The following ZNF469 variants were observed in gnomAD, a reference collection of about 807,000 sequenced individuals.
ZNF469 encodes zinc finger protein 469.
A neutral mutation model predicts 1.0 loss-of-function variants in ZNF469; 1 was observed. The ratio of observed to expected loss-of-function variants is 1.00; its 90% CI spans 0.35 to 4.73. The LOEUF (loss-of-function observed/expected upper bound fraction) is 4.73, where lower values mean the gene tolerates loss of function less well. ZNF469 is among the 30% of genes most tolerant of loss of function. The pLI is 0.16. For missense variants in ZNF469, 6,100 were observed against 5,356.3 expected, an observed-to-expected ratio of 1.14 and a Z score of -4.33; for synonymous variants, 2,703 against 2,363.4, an observed-to-expected ratio of 1.14 and a Z score of -4.17.
At chr16:88,202,430 C>G in the ZNF469 span, among the ~76,000 whole-genome samples, 1 of 152,118 alleles carries the variant, frequency 6.6e-6, no homozygotes, top group Non-Finnish European at 1.5e-5. Context: ...TCCAGGTGCC[C>G]CCGTGGATAA....
At chr16:88,229,556 G>A in the ZNF469 span, among the ~76,000 whole-genome samples, 1 of 150,566 alleles carries the variant, frequency 6.6e-6, no homozygotes, top group Non-Finnish European at 1.5e-5. Flanking sequence ...GATGTCACAC[G>A]TGTGGATGTC....
the ZNF469 span, among the ~76,000 whole-genome samples, chr16:88,268,593 G>C: frequency 1.4e-4 from 21 of 152,238 alleles, no homozygotes; most frequent in Non-Finnish European, 2.9e-4. Context: ...GGAAGAACAT[G>C]CAGGGGTCAA....
chr16:88,402,931 C>T (rs111723034), intron 1 of ZNF469, among the ~76,000 whole-genome samples: 1 of 152,168 alleles, frequency 6.6e-6, no homozygotes, highest in Admixed American at 6.5e-5. Context: ...AGAACCCCCA[C>T]GCCGGGAACA....
the ZNF469 span, among the ~76,000 whole-genome samples, chr16:88,140,458 C>T: frequency 8.6e-5 from 13 of 151,190 alleles, no homozygotes; most frequent in South Asian, 4.2e-4. Flanking sequence ...ACGTAGAAAT[C>T]GGGGGGTAGC....
the ZNF469 span, among the ~76,000 whole-genome samples, chr16:88,170,403 C>T: frequency 3.3e-5 from 5 of 152,202 alleles, no homozygotes; most frequent in Non-Finnish European, 4.4e-5. The surrounding 1 kb of genome is among the most constrained non-coding windows in gnomAD (Gnocchi z 4.2). Flanking sequence ...CACTGTACAA[C>T]TGAAAGTTCT....
At chr16:88,177,251 C>T in the ZNF469 span, 1 of 152,162 alleles carries the variant, frequency 6.6e-6, no homozygotes, top group Non-Finnish European at 1.5e-5. This position sits in a 1 kb window ranked among gnomAD's most constrained non-coding sequence, Gnocchi z 4.8. Context: ...CTATACACAC[C>T]GCGGGCCTGA....
chr16:88,132,995 CA>C, the ZNF469 span, among the ~76,000 whole-genome samples: 1 of 152,212 alleles, frequency 6.6e-6, no homozygotes, highest in Non-Finnish European at 1.5e-5. Context: ...GTGCGGTGGG[CA>C]TGCTGGGAGA....
Position 88,435,678 on chromosome 16 carries a change from T to G in ZNF469, c.8208T>G (p.Asp2736Glu). Residue 2736 changes from aspartate (D) to glutamate (E), a missense_variant, in exon 3 of 3, where the codon GAT (aspartate) becomes GAG (glutamate). Asp to Glu is a conservative substitution (Grantham distance 45, BLOSUM62 2). Transcript: ENST00000565624. ...GGATGCTGTGTCCAGGGAGGATGGA[T>G]GGTGCAGCTCTGGGGGAACAGCCAA... ...GDRMLCPGRMDGAALGEQPTG... is the reference protein window; with the variant it reads ...GDRMLCPGRMEGAALGEQPTG... 6.4e-7 allele frequency: 1 copy of G among 1,550,506 alleles called. No homozygotes were observed. Among genetic ancestry groups the G allele is most frequent in the Non-Finnish European group, 8.7e-7 (1 of 1,146,970 alleles).
chr16:88,197,814 A>G, the ZNF469 span, among the ~76,000 whole-genome samples: 1 of 152,206 alleles, frequency 6.6e-6, no homozygotes, highest in Non-Finnish European at 1.5e-5. Flanking sequence ...GGCATCTGCC[A>G]TGCGGGCTTC....
chr16:88,434,909 C>A lies in ZNF469; in HGVS notation c.7439C>A (p.Ser2480Tyr). 2 of 1,550,298 alleles carry A rather than the reference C, an allele frequency of 1.3e-6. No homozygotes were observed. The highest frequency in any genetic ancestry group is 1.7e-6 in the Non-Finnish European group (2 of 1,146,988). ...GPVTCEVCAA[S>Y]FRSGPGLSRH... ...GTGACCTGTGAGGTCTGCGCAGCCT[C>A]CTTCCGCTCCGGGCCGGGCCTGAGC... Residue 2480 changes from serine to tyrosine, a missense_variant, in exon 3 of 3, where the codon TCC (serine) becomes TAC (tyrosine). Transcript: ENST00000565624.
chr16:88,227,998 T>A, the ZNF469 span, among the ~76,000 whole-genome samples: 2 of 152,232 alleles, frequency 1.3e-5, no homozygotes, highest in Non-Finnish European at 2.9e-5. Context: ...GCATCCATCG[T>A]TACAGGGCGT....
chr16:88,290,350 G>A, the ZNF469 span, among the ~76,000 whole-genome samples: 1 of 152,174 alleles, frequency 6.6e-6, no homozygotes, highest in African/African-American at 2.4e-5. Context: ...GAAAAAGGGA[G>A]GTTTTTGGCA....
the ZNF469 span, among the ~76,000 whole-genome samples, chr16:88,325,231 C>T: frequency 0.34 from 41,029 of 121,946 alleles, 6,311 homozygotes; most frequent in Middle Eastern, 0.45. Flanking sequence ...ATACACAGGG[C>T]CTCAAGTCCT....
At chr16:88,257,990 T>A in the ZNF469 span, among the ~76,000 whole-genome samples, 37 of 152,240 alleles carry the variant, frequency 2.4e-4, 2 homozygotes, top group Admixed American at 2.4e-3. Context: ...TGTGCCCACA[T>A]GCTGCAAGGG....
chr16:88,433,425 G>A lies in ZNF469; in HGVS notation c.5955G>A (p.Leu1985=). The change falls in exon 3 of 3, where the codon TTG becomes TTA. Residue 1985 remains leucine, a synonymous_variant. Transcript: ENST00000565624. The part of the protein sequence containing the change: ...LGLEADGHWG[L]LGQAEKTQGQ... ...TGGAGGCAGATGGACATTGGGGCTT[G>A]CTTGGCCAAGCCGAGAAAACCCAGG... 3 of 1,550,276 alleles carry A rather than the reference G, an allele frequency of 1.9e-6. No homozygotes were observed. Among genetic ancestry groups the A allele is most frequent in the Non-Finnish European group, 1.7e-6 (2 of 1,146,974 alleles).
the ZNF469 span, among the ~76,000 whole-genome samples, chr16:88,337,570 G>T: frequency 6.6e-6 from 1 of 152,184 alleles, no homozygotes; most frequent in African/African-American, 2.4e-5. Flanking sequence ...GGGTCCCAGC[G>T]TCACTCTCTG....
At chr16:88,282,502 A>C in the ZNF469 span, among the ~76,000 whole-genome samples, 1 of 152,090 alleles carries the variant, frequency 6.6e-6, no homozygotes, top group East Asian at 1.9e-4. Flanking sequence ...TGTGGAGGTA[A>C]TCATCCTTCA....
the ZNF469 span, among the ~76,000 whole-genome samples, chr16:88,290,981 G>C: frequency 6.6e-6 from 1 of 152,194 alleles, no homozygotes; most frequent in Non-Finnish European, 1.5e-5. Context: ...AGTGCTCTCT[G>C]CCTGATGTCC....
the ZNF469 span, among the ~76,000 whole-genome samples, chr16:88,275,742 T>C: frequency 2.3e-4 from 35 of 152,206 alleles, no homozygotes; most frequent in African/African-American, 8.4e-4. Flanking sequence ...CCCCAAAGCC[T>C]CCCAGGACCC....
Sources: allele counts gnomAD v4.1 joint callset (sites outside exome capture counted in the v4.1 genomes callset), GRCh38; gene constraint gnomAD v4.1.1; non-coding constraint Gnocchi (gnomAD v3.1); transcripts MANE v1.5; gene names NCBI Gene and HGNC (gene_info 2026-07-23, HGNC 2026-07-21).